Variants in USP47 observed in about 807,000 individuals in gnomAD.
The protein encoded by USP47 is ubiquitin specific peptidase 47, also known as ubiquitin carboxyl-terminal hydrolase 47.
A neutral mutation model predicts 165.1 loss-of-function variants in USP47; 35 were observed. That is an observed-to-expected ratio of 0.21 (90% CI 0.16 to 0.28). USP47 has a LOEUF of 0.28. USP47 is among the 10% of genes least tolerant of loss of function. The pLI, the probability that USP47 is intolerant of heterozygous loss-of-function variation, is 1.00. For missense variants in USP47, 1,277 were observed against 1,607.4 expected (o/e 0.79, Z 3.52); for synonymous variants, 531 against 544.5 (o/e 0.98, Z 0.35).
chr11:11,934,275 T>A lies in USP47; in HGVS notation c.1869+340T>A, dbSNP rs538832609. 4.6e-5 allele frequency among the ~76,000 whole-genome samples: 7 copies of A among 152,242 alleles called. No individual in the cohort carries two copies. The South Asian group carries it at 1.5e-3, about 32-fold the overall frequency. ...TTAGAGTGAATAAGATAACATGAGG[T>A]GTTAGAGATACCAAAGTGAACAAGG... On this transcript the variant is annotated intron_variant, in intron 16 of 27. Coordinates refer to ENST00000527733, the MANE Select transcript of USP47 (RefSeq NM_001282659.2).
At chr11:11,863,208 TGTG>T (rs1849483801) in intron 1 of USP47, among the ~76,000 whole-genome samples, 1 of 152,168 alleles carries the variant, frequency 6.6e-6, no homozygotes, top group Non-Finnish European at 1.5e-5. Flanking sequence ...TCATGGGAAA[TGTG>T]GTATATTTTA....
chr11:11,842,926 G>C (rs1393234214), intron 1 of USP47, among the ~76,000 whole-genome samples: 1 of 149,644 alleles, frequency 6.7e-6, no homozygotes, highest in South Asian at 2.1e-4. Context: ...GATACGAGAA[G>C]CCTTGACTAC....
intron 3 of USP47, among the ~76,000 whole-genome samples, chr11:11,890,709 T>G (rs10765898): frequency 0.78 from 119,111 of 152,116 alleles, 47,344 homozygotes; most frequent in African/African-American, 0.93. Context: ...ATACATGCAC[T>G]CATATGTTCA....
In USP47 at chr11:11,940,482, T is replaced by C. The variant is rs1855392864; in HGVS notation, c.2247T>C (p.Asn749=). 6.2e-7 allele frequency: 1 copy of C among 1,612,084 alleles called. No homozygotes were observed. The highest frequency in any genetic ancestry group is 1.3e-5 in the African/African-American group (1 of 74,916). Reference sequence around the variant, plus strand: ...GAATAGTGCTGGAACGCTGCTACAATGATTTGCGTCTTCTCAGTGTCTCCA... The same window carrying C: ...GAATAGTGCTGGAACGCTGCTACAACGATTTGCGTCTTCTCAGTGTCTCCA... ...TMRIVLERCY[N]DLRLLSVSSK... is the part of the protein sequence containing the mutation. Residue 749 remains asparagine (N), a synonymous_variant, in exon 19 of 28, where the codon AAT becomes AAC. Transcript: ENST00000527733.
chr11:11,873,214 A>G (rs979189669), intron 1 of USP47, among the ~76,000 whole-genome samples: 15 of 152,186 alleles, frequency 9.9e-5, no homozygotes, highest in East Asian at 1.9e-4. Flanking sequence ...AGAAGGGAGA[A>G]TAAGACAAAA....
In USP47 at chr11:11,948,640, T is replaced by TA. The variant is rs1856010864; in HGVS notation, c.3348+82_3348+83insA. The TA allele has an allele frequency of 1.6e-5, 22 of 1,369,158 alleles. No individual in the cohort carries two copies. The South Asian group carries it at 2.8e-4, about 17-fold the overall frequency. 84.8% of individuals were successfully genotyped at this position (1,369,158 alleles called of 1,614,324 possible). ...AGAATATATTTTATTCATAGTCATT[T>TA]TATTTCTCTGAAGCAAAGGTCAGCA... On this transcript the variant is annotated intron_variant, in intron 22 of 27. Coordinates refer to ENST00000527733, the MANE Select transcript of USP47 (RefSeq NM_001282659.2).
At chr11:11,929,068 T>C (rs1464023537) in intron 11 of USP47, among the ~76,000 whole-genome samples, 1 of 151,268 alleles carries the variant, frequency 6.6e-6, no homozygotes, top group Non-Finnish European at 1.5e-5. Context: ...AAACAGTATG[T>C]TACTTCGGAT....
chr11:11,887,423 G>A (rs1183765130), intron 3 of USP47, among the ~76,000 whole-genome samples: 6 of 151,962 alleles, frequency 3.9e-5, no homozygotes, highest in South Asian at 2.1e-4. Context: ...AGCAGGAGTC[G>A]CAATCCTAGT....
rs1000049426 is a variant in USP47 at position 11,942,389 on chromosome 11, C to T, written c.2368C>T (p.His790Tyr). The change falls in exon 20 of 28, where the codon CAT (histidine) becomes TAT (tyrosine). Residue 790 changes from histidine (H) to tyrosine (Y), a missense_variant. This residue lies in a region of USP47 where 909 missense variants were observed against 1,068.1 expected (regional missense o/e 0.85). Coordinates refer to ENST00000527733, the MANE Select transcript of USP47 (RefSeq NM_001282659.2). ...TTACCAGATGGCCTTTGCAGACTCT[C>T]ATTTATGGAAACTCCTGGATCGGCA... ...LDYQMAFADS[H>Y]LWKLLDRHAN... 5.6e-6 allele frequency: 9 copies of T among 1,613,082 alleles called. No homozygotes were observed. The African/African-American group carries it at 9.4e-5, about 17-fold the overall frequency.
chr11:11,879,793 T>G (rs1850712232), intron 1 of USP47, among the ~76,000 whole-genome samples: 1 of 152,154 alleles, frequency 6.6e-6, no homozygotes, highest in Non-Finnish European at 1.5e-5. Context: ...ATATTTGATT[T>G]GACTGTGGCT....
rs866408366 is a variant in USP47 at position 11,877,823 on chromosome 11, G to C, written c.40-2354G>C. Reference sequence around the variant, plus strand: ...TCTCTCTCTGTGTGTGTGTGTGTGTGTGTGTGTGTGTGTGTGTGTGTGTGT... The same window carrying C: ...TCTCTCTCTGTGTGTGTGTGTGTGTCTGTGTGTGTGTGTGTGTGTGTGTGT... On this transcript the variant is annotated intron_variant, in intron 1 of 27. Coordinates refer to ENST00000527733, the MANE Select transcript of USP47 (RefSeq NM_001282659.2). 4.7e-3 allele frequency among the ~76,000 whole-genome samples: 274 copies of C among 58,782 alleles called. 2 individuals are homozygous for C. The highest frequency in any genetic ancestry group is 8.9e-3 in the South Asian group (12 of 1,342). 38.6% of individuals were successfully genotyped at this position (58,782 alleles called of 152,430 possible). A position where few individuals can be genotyped will look rare whatever the true frequency, so the allele number is the denominator to read the frequency against.
intron 3 of USP47, among the ~76,000 whole-genome samples, chr11:11,885,298 G>C (rs1433264863): frequency 6.6e-6 from 1 of 152,120 alleles, no homozygotes; most frequent in Non-Finnish European, 1.5e-5. Context: ...GGAGTGAAAG[G>C]GGAGAGTGAA....
intron 25 of USP47, among the ~76,000 whole-genome samples, chr11:11,954,476 C>G (rs1009346764): frequency 6.6e-6 from 1 of 151,838 alleles, no homozygotes; most frequent in Non-Finnish European, 1.5e-5. Flanking sequence ...TCACCATGTG[C>G]GAGGATATTC....
chr11:11,901,204 A>G (rs1852203967), intron 5 of USP47, among the ~76,000 whole-genome samples: 1 of 152,196 alleles, frequency 6.6e-6, no homozygotes, highest in Non-Finnish European at 1.5e-5. Context: ...AAAGTAAGAA[A>G]AATATTGAAC....
intron 8 of USP47, among the ~76,000 whole-genome samples, chr11:11,913,497 A>T (rs752284930): frequency 2.6e-5 from 4 of 151,784 alleles, no homozygotes. Flanking sequence ...ATTATGTTAA[A>T]TAAGCTAGGA....
chr11:11,910,224 G>A (rs1157190808), intron 8 of USP47, among the ~76,000 whole-genome samples: 1 of 152,072 alleles, frequency 6.6e-6, no homozygotes, highest in East Asian at 1.9e-4. Flanking sequence ...TGGAGAGAAG[G>A]CATACACACT....
In USP47 at chr11:11,958,820, TGATA is replaced by T. The variant is rs1268788949; in HGVS notation, c.*2650_*2653del. The T allele has an allele frequency of 6.6e-6, 1 of 152,208 alleles. No individual in the cohort carries two copies. The highest frequency in any genetic ancestry group is 2.4e-5 in the African/African-American group (1 of 41,440). 9.4% of individuals were successfully genotyped at this position (152,208 alleles called of 1,614,324 possible). On this transcript the variant is annotated 3_prime_UTR_variant, in exon 28 of 28. Coordinates refer to ENST00000527733, the MANE Select transcript of USP47 (RefSeq NM_001282659.2). ...ACGTGTATGTAAGGAAGAGCAATCA[TGATA>T]GATAAGAACAGTGTGTGAAGCAGCC...
At chr11:11,948,669 T>C (rs981790176) in intron 22 of USP47, 111 bp downstream of exon 22, 1 of 1,013,548 alleles carries the variant, frequency 9.9e-7, no homozygotes, top group Admixed American at 2.4e-5. Flanking sequence ...GTCAGCAAAT[T>C]TTTTCTGGGC....
intron 25 of USP47, among the ~76,000 whole-genome samples, chr11:11,954,395 G>A (rs11022094): frequency 7.2e-5 from 11 of 151,940 alleles, no homozygotes; most frequent in African/African-American, 1.2e-4. Flanking sequence ...TCAGCCTCCC[G>A]AGTAGCTGGG....
Sources: allele counts gnomAD v4.1 joint callset (sites outside exome capture counted in the v4.1 genomes callset), GRCh38; gene constraint gnomAD v4.1.1; regional missense constraint gnomAD v4.1.1; transcripts MANE v1.5; gene names NCBI Gene and HGNC (gene_info 2026-07-23, HGNC 2026-07-21).